DENND1A: variants seen among roughly 807,000 people sequenced by gnomAD.
DENND1A encodes the protein DENN domain containing 1A.
DENND1A carries 51 observed loss-of-function variants against 113.7 expected under a neutral mutation model. The ratio of observed to expected loss-of-function variants is 0.45; its 90% CI spans 0.36 to 0.57. The LOEUF (loss-of-function observed/expected upper bound fraction) is 0.57, where lower values mean the gene tolerates loss of function less well. Ranked by LOEUF, DENND1A falls within the 20% of genes least tolerant of loss-of-function variation. The pLI, the probability that DENND1A is intolerant of heterozygous loss-of-function variation, is 0.00. For synonymous variants in DENND1A, 565 were observed against 570.8 expected (o/e 0.99, Z 0.14); for missense variants, 1,258 against 1,395.9 (o/e 0.90, Z 1.57).
chr9:123,625,924 T>A (rs2061189908), intron 10 of DENND1A, among the ~76,000 whole-genome samples: 1 of 152,150 alleles, frequency 6.6e-6, no homozygotes, highest in African/African-American at 2.4e-5. Flanking sequence ...CAGGGTCTCA[T>A]TCTGTCACCC....
At chr9:123,557,117 A>G (rs2057462167) in intron 13 of DENND1A, among the ~76,000 whole-genome samples, 1 of 152,212 alleles carries the variant, frequency 6.6e-6, no homozygotes, top group Admixed American at 6.5e-5. Flanking sequence ...CCCGTGAAAG[A>G]ACAGGGGTGG....
chr9:123,844,083 G>A (rs1164892532), intron 2 of DENND1A, among the ~76,000 whole-genome samples: 1 of 133,036 alleles, frequency 7.5e-6, no homozygotes, highest in Non-Finnish European at 1.5e-5. Flanking sequence ...AGCTGATAAA[G>A]GGCATCTAAA....
chr9:123,798,292 T>A (rs1486984086), intron 2 of DENND1A: 1 of 152,240 alleles, frequency 6.6e-6, no homozygotes, highest in Non-Finnish European at 1.5e-5. Flanking sequence ...GCCATTCACA[T>A]GCCAGATTCC....
intron 2 of DENND1A, among the ~76,000 whole-genome samples, chr9:123,836,508 C>CT (rs1284445412): frequency 1.3e-5 from 2 of 151,948 alleles, no homozygotes; most frequent in Non-Finnish European, 2.9e-5. Context: ...AGCTAATATA[C>CT]TTTTTTACAA....
intron 13 of DENND1A, among the ~76,000 whole-genome samples, chr9:123,528,267 T>C (rs1372556274): frequency 6.6e-6 from 1 of 152,196 alleles, no homozygotes; most frequent in Admixed American, 6.5e-5. Flanking sequence ...ATTACTTTCC[T>C]AGCAAGCTAC....
At chr9:123,532,230 C>G (rs1397509147) in intron 13 of DENND1A, among the ~76,000 whole-genome samples, 1 of 152,172 alleles carries the variant, frequency 6.6e-6, no homozygotes, top group Non-Finnish European at 1.5e-5. Context: ...TTCCTAAAAT[C>G]AAGAATGTCC....
chr9:123,581,607 AG>A (rs1395215610), intron 12 of DENND1A, among the ~76,000 whole-genome samples: 2 of 151,962 alleles, frequency 1.3e-5, no homozygotes, highest in African/African-American at 4.8e-5. Flanking sequence ...CCTGGGTGAC[AG>A]AGCCAGACAC....
At chr9:123,669,284 T>C (rs543378831) in intron 7 of DENND1A, among the ~76,000 whole-genome samples, 43 of 151,968 alleles carry the variant, frequency 2.8e-4, no homozygotes, top group Admixed American at 2.0e-4. Context: ...AAATGCAATA[T>C]GGAGAGAGGA....
At position 123,386,452 on chromosome 9, in the gene DENND1A, G is replaced by C. The variant is rs145056451; in HGVS notation, c.1760+1278C>G. 6.7e-3 allele frequency among the ~76,000 whole-genome samples: 1,008 copies of C among 150,326 alleles called. 4 individuals are homozygous for C. Among genetic ancestry groups the C allele is most frequent in the African/African-American group, 0.018 (715 of 40,856 alleles). ...GTTGGAGTACAGCAGTGTGATCTCGGCTCACTGCAACCTCCGCCTCCCGGG... is the reference window on the plus strand; with the variant it reads ...GTTGGAGTACAGCAGTGTGATCTCGCCTCACTGCAACCTCCGCCTCCCGGG... On this transcript the variant is annotated intron_variant, in intron 22 of 23. Transcript: ENST00000394215.
At chr9:123,675,344 T>C (rs528820877) in intron 6 of DENND1A, among the ~76,000 whole-genome samples, 2 of 152,244 alleles carry the variant, frequency 1.3e-5, no homozygotes, top group South Asian at 2.1e-4. Flanking sequence ...CAAAACAAGA[T>C]GGGAAGCACA....
chr9:123,521,591 G>A (rs964319382), intron 13 of DENND1A, among the ~76,000 whole-genome samples: 7 of 152,158 alleles, frequency 4.6e-5, no homozygotes, highest in African/African-American at 7.2e-5. Context: ...CTTAAAGAAG[G>A]GCCTTCCATG....
rs932776368 is a variant in DENND1A at position 123,380,195 on chromosome 9, G to A, written c.*1237C>T. ...GGTCGAAATGCTCACAATTTCCTGC[G>A]TGTCTCAGATGGTTGTTTTCTTAAA... On this transcript the variant is annotated 3_prime_UTR_variant, in exon 24 of 24. Transcript: ENST00000394215. The A allele has an allele frequency of 2.6e-5, 4 of 152,364 alleles. No homozygotes were observed. Among genetic ancestry groups the A allele is most frequent in the Admixed American group, 6.5e-5 (1 of 15,290 alleles). 9.4% of individuals were successfully genotyped at this position (152,364 alleles called of 1,614,324 possible). A position where few individuals can be genotyped will look rare whatever the true frequency, so the allele number is the denominator to read the frequency against.
chr9:123,680,495 C>T (rs1054894459), intron 5 of DENND1A, among the ~76,000 whole-genome samples: 4 of 152,194 alleles, frequency 2.6e-5, no homozygotes, highest in Admixed American at 6.5e-5. Context: ...CCAAATATGG[C>T]GGACATGGTC....
intron 13 of DENND1A, among the ~76,000 whole-genome samples, chr9:123,528,017 T>C (rs746631797): frequency 4.6e-5 from 7 of 152,212 alleles, no homozygotes; most frequent in Non-Finnish European, 7.3e-5. Context: ...TGGCTCATAA[T>C]AGGCATCAGA....
chr9:123,673,855 T>C (rs940127946), intron 6 of DENND1A, among the ~76,000 whole-genome samples: 3 of 152,172 alleles, frequency 2.0e-5, no homozygotes, highest in Non-Finnish European at 4.4e-5. Context: ...ATTTTCTTTT[T>C]ATATTTGGTT....
chr9:123,515,249 T>C (rs902448972), intron 13 of DENND1A, among the ~76,000 whole-genome samples: 2 of 152,236 alleles, frequency 1.3e-5, no homozygotes, highest in Non-Finnish European at 2.9e-5. Context: ...AGATTGTCTA[T>C]TAGGTTGGTG....
intron 19 of DENND1A, among the ~76,000 whole-genome samples, chr9:123,412,330 G>A (rs1205503882): frequency 2.0e-5 from 3 of 152,242 alleles, no homozygotes; most frequent in Non-Finnish European, 4.4e-5. Flanking sequence ...CCCTCCGGGT[G>A]GAATGGGCTG....
chr9:123,393,893 C>G (rs959691760), intron 21 of DENND1A, among the ~76,000 whole-genome samples: 1 of 152,178 alleles, frequency 6.6e-6, no homozygotes, highest in Non-Finnish European at 1.5e-5. Context: ...AGGTCCTTCC[C>G]GCCCCACTGG....
At chr9:123,680,820 A>G (rs2064395996) in intron 5 of DENND1A, among the ~76,000 whole-genome samples, 1 of 152,202 alleles carries the variant, frequency 6.6e-6, no homozygotes, top group Non-Finnish European at 1.5e-5. Flanking sequence ...GTTCAAAGCT[A>G]TGAGATGGGA....
Sources: allele counts gnomAD v4.1 joint callset (sites outside exome capture counted in the v4.1 genomes callset), GRCh38; gene constraint gnomAD v4.1.1; transcripts MANE v1.5; gene names NCBI Gene and HGNC (gene_info 2026-07-23, HGNC 2026-07-21).